The following RUFY3 variants were observed in gnomAD, a reference collection of about 807,000 sequenced individuals.
RUFY3 encodes the protein protein RUFY3.
A neutral mutation model predicts 84.0 loss-of-function variants in RUFY3; 34 were observed. The ratio of observed to expected loss-of-function variants is 0.40; its 90% CI spans 0.31 to 0.54. The LOEUF (loss-of-function observed/expected upper bound fraction) is 0.54, where lower values mean the gene tolerates loss of function less well. Ranked by LOEUF, RUFY3 falls within the 20% of genes least tolerant of loss-of-function variation. The probability of loss-of-function intolerance (pLI) is 0.39; values close to 1 mark genes in which losing one functional copy is unlikely to be tolerated. For missense variants in RUFY3, 507 were observed against 736.8 expected, an observed-to-expected ratio of 0.69 and a Z score of 3.61; for synonymous variants, 242 against 252.9, an observed-to-expected ratio of 0.96 and a Z score of 0.41.
rs564603715 is a variant in RUFY3 at position 70,737,352 on chromosome 4, GA to G, written c.178+14606del. ...ATTGCTAGAATTTGCTTTTTGGGAT[GA>G]AAAAGCTGCATGCTGGGATTTCCTT... On this transcript the variant is annotated intron_variant, in intron 1 of 17. Coordinates refer to ENST00000381006, the MANE Select transcript of RUFY3 (RefSeq NM_001037442.4). Among the ~76,000 whole-genome samples the G allele has an allele frequency of 2.3e-3, 347 of 152,208 alleles. 1 individual carries two copies. Among genetic ancestry groups the G allele is most frequent in the African/African-American group, 7.6e-3 (314 of 41,544 alleles).
chr4:70,806,759 TAAAG>T lies in RUFY3; in HGVS notation c.*102_*105del. 7.1e-7 allele frequency: 1 copy of T among 1,408,488 alleles called. No individual in the cohort carries two copies. The highest frequency in any genetic ancestry group is 9.7e-7 in the Non-Finnish European group (1 of 1,030,470). 87.2% of individuals were successfully genotyped at this position (1,408,488 alleles called of 1,614,324 possible). A position where few individuals can be genotyped will look rare whatever the true frequency, so the allele number is the denominator to read the frequency against. The stretch of plus-strand genomic sequence containing the variant: ...ATAGAGCCCAGTTCTTAGAGTCAAC[TAAAG>T]AGTTGATAGGAATTTACTAGGTCCA... On this transcript the variant is annotated 3_prime_UTR_variant, in exon 18 of 18. Coordinates refer to ENST00000381006, the MANE Select transcript of RUFY3 (RefSeq NM_001037442.4).
intron 7 of RUFY3, among the ~76,000 whole-genome samples, chr4:70,777,257 G>A (rs1031521488): frequency 6.6e-6 from 1 of 152,146 alleles, no homozygotes; most frequent in Non-Finnish European, 1.5e-5. Flanking sequence ...AGATAAGAGA[G>A]GACTACTGTA....
chr4:70,705,005 G>C, exon 1 of RUFY3: 2 of 1,225,370 alleles, frequency 1.6e-6, no homozygotes, highest in East Asian at 6.7e-5. Flanking sequence ...CGAGGGGCGG[G>C]GAGTGGCGGC....
At chr4:70,719,811 T>C (rs1742056014), upstream of RUFY3, among the ~76,000 whole-genome samples, 1 of 152,162 alleles carries the variant, frequency 6.6e-6, no homozygotes. Context: ...GAAAATTCTG[T>C]TTCCTGGAAA....
At position 70,770,902 on chromosome 4, in the gene RUFY3, T is replaced by A. The variant is rs544723980; in HGVS notation, c.696+2241T>A. 2.0e-5 allele frequency among the ~76,000 whole-genome samples: 3 copies of A among 152,238 alleles called. No individual in the cohort carries two copies. In the East Asian group the frequency reaches 5.8e-4, roughly 29 times the overall value. On this transcript the variant is annotated intron_variant, in intron 5 of 17. Coordinates refer to ENST00000381006, the MANE Select transcript of RUFY3 (RefSeq NM_001037442.4). ...TTTCACTTGAACACTTAGTGGCCAT[T>A]GCAGGGTTATTAATTGGCCTAATTT...
chr4:70,727,586 C>T (rs1420172863), intron 1 of RUFY3, among the ~76,000 whole-genome samples: 1 of 151,558 alleles, frequency 6.6e-6, no homozygotes, highest in East Asian at 2.0e-4. Context: ...GAACTCCTGA[C>T]CTCAGGCGAT....
intron 5 of RUFY3, among the ~76,000 whole-genome samples, chr4:70,770,157 T>G (rs1272947600): frequency 6.6e-6 from 1 of 152,194 alleles, no homozygotes; most frequent in Non-Finnish European, 1.5e-5. Context: ...CAGAGTAGAT[T>G]TAGCATCATT....
At chr4:70,750,829 CAAAAA>C (rs1560493408) in intron 1 of RUFY3, among the ~76,000 whole-genome samples, 1 of 152,056 alleles carries the variant, frequency 6.6e-6, no homozygotes, top group African/African-American at 2.4e-5. Context: ...TTTATATAAA[CAAAAA>C]TAAAATATGT....
chr4:70,762,706 C>G lies in RUFY3; in HGVS notation c.352+14C>G, dbSNP rs772612347. ...ATGGCTTGAAAGGTAGGCCATCACC[C>G]CAAAATGCAAATATGCATGCAGCTG... On this transcript the variant is annotated intron_variant, in intron 2 of 17. Transcript: ENST00000381006. The G allele has an allele frequency of 1.9e-6, 3 of 1,599,558 alleles. No homozygotes were observed. The highest frequency in any genetic ancestry group is 8.5e-7 in the Non-Finnish European group (1 of 1,169,940).
chr4:70,736,116 A>G (rs1185353723), intron 1 of RUFY3, among the ~76,000 whole-genome samples: 1 of 150,618 alleles, frequency 6.6e-6, no homozygotes, highest in African/African-American at 2.4e-5. Flanking sequence ...ATTGCGCCAC[A>G]GTGCTCCACT....
intron 1 of RUFY3, among the ~76,000 whole-genome samples, chr4:70,716,845 CAAAAAAAAAAA>C: frequency 1.4e-5 from 1 of 72,498 alleles, no homozygotes; most frequent in East Asian, 4.7e-4. Context: ...AACTCTGTCT[CAAAAAAAAAAA>C]AAAAAGAAAA....
At chr4:70,731,453 T>G (rs1164333268) in intron 1 of RUFY3, among the ~76,000 whole-genome samples, 2 of 152,242 alleles carry the variant, frequency 1.3e-5, no homozygotes, top group African/African-American at 4.8e-5. Flanking sequence ...GTGCATATAC[T>G]ACCAAACAGC....
rs1177007973 is a variant in RUFY3, at chr4:70,705,300, T to C, written c.358+6T>C. 6 of 1,394,036 alleles carry C rather than the reference T, an allele frequency of 4.3e-6. No individual in the cohort carries two copies. The Admixed American group carries it at 1.5e-4, about 35-fold the overall frequency. The allele number at this position is 1,394,036 out of a possible 1,614,324, so 86.4% of individuals were successfully genotyped here. A position where few individuals can be genotyped will look rare whatever the true frequency, so the allele number is the denominator to read the frequency against. On this transcript the variant is annotated splice_donor_region_variant and intron_variant, in intron 1 of 11. Transcript: ENST00000417478. The stretch of plus-strand genomic sequence containing the variant: ...CAGCGGCAGCGGCAAGCACCGTGAG[T>C]GGCGGAGGGGCATGGGGACGCCCGC...
intron 1 of RUFY3, among the ~76,000 whole-genome samples, chr4:70,711,934 G>A (rs1741045360): frequency 6.6e-6 from 1 of 152,088 alleles, no homozygotes; most frequent in South Asian, 2.1e-4. Context: ...CCTTTTTGTT[G>A]CACCTATTCT....
intron 1 of RUFY3, among the ~76,000 whole-genome samples, chr4:70,754,268 G>A (rs547036434): frequency 3.3e-5 from 5 of 152,118 alleles, no homozygotes; most frequent in African/African-American, 4.8e-5. Flanking sequence ...GGCCAGGCTG[G>A]TCTCGAACTC....
At position 70,808,141 on chromosome 4, in the gene RUFY3, G is replaced by C. The variant is rs1733015626; in HGVS notation, c.*1482G>C. On this transcript the variant is annotated 3_prime_UTR_variant, in exon 18 of 18. Transcript: ENST00000381006. Reference sequence around the variant, plus strand: ...ACTTCATTTGCATGGATTCAACATAGTGCTTGGTGTTCAGTAAATTCAAGT... The same window carrying C: ...ACTTCATTTGCATGGATTCAACATACTGCTTGGTGTTCAGTAAATTCAAGT... Among the ~76,000 whole-genome samples the C allele has an allele frequency of 6.6e-6, 1 of 152,160 alleles. No homozygotes were observed. The highest frequency in any genetic ancestry group is 2.1e-4 in the South Asian group (1 of 4,834).
upstream of RUFY3, chr4:70,721,948 C>A: frequency 8.1e-7 from 1 of 1,232,010 alleles, no homozygotes; most frequent in South Asian, 4.1e-5. Flanking sequence ...GTCACATGAG[C>A]CTGAATTTTC....
chr4:70,740,538 A>G (rs1005507547), intron 1 of RUFY3, among the ~76,000 whole-genome samples: 11 of 152,226 alleles, frequency 7.2e-5, no homozygotes, highest in Non-Finnish European at 1.6e-4. Flanking sequence ...AATTAAATAC[A>G]ATACAATAAA....
intron 1 of RUFY3, among the ~76,000 whole-genome samples, chr4:70,748,374 G>A (rs915600197): frequency 3.3e-5 from 5 of 152,080 alleles, no homozygotes; most frequent in Non-Finnish European, 2.9e-5. Context: ...GTGATACCAC[G>A]ACATTTAGGA....
Sources: gnomAD v4.1 joint callset for allele counts (sites outside exome capture counted in the v4.1 genomes callset) on GRCh38, gnomAD v4.1.1 for gene constraint, MANE v1.5 for transcripts, NCBI Gene and HGNC (gene_info 2026-07-23, HGNC 2026-07-21) for gene names.